VIRMA: variants seen among roughly 807,000 people sequenced by gnomAD.
VIRMA encodes vir like m6A methyltransferase associated.
A neutral mutation model predicts 182.4 loss-of-function variants in VIRMA; 65 were observed. That is an observed-to-expected ratio of 0.36 (90% CI 0.29 to 0.44). VIRMA has a LOEUF of 0.44. Ranked by LOEUF, VIRMA falls within the 20% of genes least tolerant of loss-of-function variation. VIRMA has a pLI of 1.00. For synonymous variants in VIRMA, 709 were observed against 743.1 expected, an observed-to-expected ratio of 0.95 and a Z score of 0.75; for missense variants, 1,752 against 2,158.1, an observed-to-expected ratio of 0.81 and a Z score of 3.73.
rs142919306 is a variant in VIRMA, at chr8:94,492,552, G to A, written c.4808+100C>T. The A allele has an allele frequency of 1.3e-3, 1,316 of 988,850 alleles. 15 individuals carry two copies. The African/African-American group carries it at 0.02, about 15-fold the overall frequency. 61.3% of individuals were successfully genotyped at this position (988,850 alleles called of 1,614,324 possible). On this transcript the variant is annotated intron_variant, in intron 21 of 23. Transcript: ENST00000297591. Reference sequence around the variant, plus strand: ...CTCCCAAAATGCTGGGATTACAGGCGTGAGCCACCGCGCTCGGCCGCATGT... The same window carrying A: ...CTCCCAAAATGCTGGGATTACAGGCATGAGCCACCGCGCTCGGCCGCATGT...
At chr8:94,500,326 G>A (rs1483740491) in intron 16 of VIRMA, among the ~76,000 whole-genome samples, 7 of 152,188 alleles carry the variant, frequency 4.6e-5, no homozygotes, top group African/African-American at 1.7e-4. Flanking sequence ...TTGAACCCAG[G>A]AGACGGAGGT....
At chr8:94,502,775 AT>A (rs1199381115) in intron 16 of VIRMA, among the ~76,000 whole-genome samples, 8 of 152,152 alleles carry the variant, frequency 5.3e-5, no homozygotes, top group Non-Finnish European at 1.2e-4. Context: ...TACTTAAAAA[AT>A]TTTTTTTTAA....
Position 94,490,049 on chromosome 8 carries a change from G to A in VIRMA, c.5174C>T (p.Ser1725Phe). The part of the protein sequence containing the change: ...NYSRREGTRG[S>F]SWSAQNTPRG... ...AGGAGTATTCTGAGCACTCCAACTG[G>A]AGCCTCTTGTTCCTTCCCGACGACT... is the stretch of plus-strand genomic sequence containing the variant. The change falls in exon 23 of 24, where the codon TCC (serine) becomes TTC (phenylalanine). Residue 1725 changes from serine (S) to phenylalanine (F), a missense_variant. By Grantham distance (155) the Ser-to-Phe change is radical (BLOSUM62 -2). Coordinates refer to ENST00000297591, the MANE Select transcript of VIRMA (RefSeq NM_015496.5). 6.2e-7 allele frequency: 1 copy of A among 1,613,858 alleles called. No individual in the cohort carries two copies.
In VIRMA at chr8:94,511,586, G is replaced by C; in HGVS notation, c.2989C>G (p.Leu997Val). Reference sequence around the variant, plus strand: ...ATTGAAATAGTAGTAACTCTGTGAAGGGTAGTCCCCATGTTGACATGGAGC... The same window carrying C: ...ATTGAAATAGTAGTAACTCTGTGAACGGTAGTCCCCATGTTGACATGGAGC... ...WRLHVNMGTT[L>V]HRVTTISMAR... Residue 997 changes from leucine to valine, a missense_variant, in exon 13 of 24, where the codon CTT (leucine) becomes GTT (valine). Around this residue, in one of 11 missense-constraint regions of VIRMA, gnomAD observed 777 missense variants for 920.6 expected, o/e 0.84. Coordinates refer to ENST00000297591, the MANE Select transcript of VIRMA (RefSeq NM_015496.5). 1 of 1,614,114 alleles carries C rather than the reference G, an allele frequency of 6.2e-7. No individual in the cohort carries two copies. The highest frequency in any genetic ancestry group is 1.3e-5 in the African/African-American group (1 of 75,036).
chr8:94,547,486 C>T (rs1371555379), intron 1 of VIRMA, among the ~76,000 whole-genome samples: 1 of 150,768 alleles, frequency 6.6e-6, no homozygotes, highest in Non-Finnish European at 1.5e-5. Context: ...CTCTTTCTAC[C>T]CTCTCCTTTA....
chr8:94,550,799 A>ACCT (rs561781122), intron 1 of VIRMA, among the ~76,000 whole-genome samples: 302 of 151,140 alleles, frequency 2.0e-3, no homozygotes, highest in African/African-American at 7.1e-3. Context: ...GCTCACAGCA[A>ACCT]CCTCCTCCTC....
chr8:94,506,732 G>GA lies in VIRMA; in HGVS notation c.3880-16dup, dbSNP rs113892534. 261,443 of 1,513,140 alleles carry GA rather than the reference G, an allele frequency of 0.17. 21,498 individuals are homozygous for GA. Among genetic ancestry groups the GA allele is most frequent in the Middle Eastern group, 0.3 (1,688 of 5,682 alleles). The allele number at this position is 1,513,140 out of a possible 1,614,324, so 93.7% of individuals were successfully genotyped here. On this transcript the variant is annotated splice_polypyrimidine_tract_variant and intron_variant, in intron 15 of 23. Transcript: ENST00000297591. ...AGTGCAATGTCCTGTGGGGAGCAGG[G>GA]AAAAAAAAATCGATTTTTTAAATAA...
At chr8:94,499,637 T>C (rs1813898764) in intron 16 of VIRMA, 131 bp from the exon 17 acceptor site, 3 of 577,938 alleles carry the variant, frequency 5.2e-6, no homozygotes, top group South Asian at 6.4e-5. Flanking sequence ...AGAAGTACTT[T>C]GGTGTGTCTT....
intron 4 of VIRMA, among the ~76,000 whole-genome samples, chr8:94,536,430 C>T (rs369475442): frequency 2.1e-3 from 322 of 152,244 alleles, no homozygotes; most frequent in African/African-American, 7.1e-3. Flanking sequence ...AGAAAAAAGG[C>T]ATATTTTTGA....
chr8:94,501,349 G>C (rs189082457), intron 16 of VIRMA, among the ~76,000 whole-genome samples: 2 of 150,228 alleles, frequency 1.3e-5, no homozygotes, highest in Non-Finnish European at 3.0e-5. Flanking sequence ...TATTACAAAT[G>C]AACCATATAA....
At chr8:94,495,151 C>T (rs575318534) in intron 19 of VIRMA, among the ~76,000 whole-genome samples, 195 bp from the exon 20 acceptor site, 16 of 152,112 alleles carry the variant, frequency 1.1e-4, no homozygotes, top group Admixed American at 4.6e-4. Flanking sequence ...CAGGTGTGTA[C>T]CACCACACCC....
At chr8:94,518,412 A>G (rs768163127) in intron 9 of VIRMA, among the ~76,000 whole-genome samples, 30 of 152,280 alleles carry the variant, frequency 2.0e-4, no homozygotes, top group Non-Finnish European at 3.1e-4. Context: ...CCCACAAAAG[A>G]TCTGTCACTC....
chr8:94,521,338 G>T (rs1167477049), intron 8 of VIRMA, among the ~76,000 whole-genome samples: 1 of 152,064 alleles, frequency 6.6e-6, no homozygotes, highest in Non-Finnish European at 1.5e-5. Context: ...AGTTTGCTGA[G>T]GATAATGGCT....
chr8:94,526,883 C>T lies in VIRMA; in HGVS notation c.1361G>A (p.Arg454Gln). The T allele has an allele frequency of 6.2e-7, 1 of 1,614,158 alleles. No homozygotes were observed. The highest frequency in any genetic ancestry group is 1.3e-5 in the African/African-American group (1 of 75,052). Residue 454 changes from arginine to glutamine, a missense_variant, in exon 8 of 24, where the codon CGA (arginine) becomes CAA (glutamine). Arg to Gln is a conservative substitution (Grantham distance 43). Around this residue, in one of 11 missense-constraint regions of VIRMA, gnomAD observed 401 missense variants for 455.1 expected, o/e 0.88. Coordinates refer to ENST00000297591, the MANE Select transcript of VIRMA (RefSeq NM_015496.5). ...TAATTTGGTCCCAGCTTTGAGCTGT[C>T]GAACATTTAAGGCGATAGGTTGGCG... The part of the protein sequence containing the change: ...ALRQPIALNV[R>Q]QLKAGTKLVS...
chr8:94,515,057 A>C (rs1814513530), intron 10 of VIRMA, 106 bp from the exon 11 acceptor site: 1 of 561,054 alleles, frequency 1.8e-6, no homozygotes, highest in Non-Finnish European at 3.1e-6. Context: ...TGTTGATTTC[A>C]ATCATCTAAA....
chr8:94,538,630 CAG>C (rs1168273587), intron 2 of VIRMA, among the ~76,000 whole-genome samples: 1 of 151,916 alleles, frequency 6.6e-6, no homozygotes, highest in East Asian at 1.9e-4. Context: ...GACGGTGTTA[CAG>C]AGTTTCGCTC....
chr8:94,536,524 G>A (rs1441288539), intron 4 of VIRMA, among the ~76,000 whole-genome samples: 4 of 152,176 alleles, frequency 2.6e-5, no homozygotes, highest in African/African-American at 7.2e-5. Context: ...CCTGCCTGTC[G>A]TCTTCTGAAC....
chr8:94,508,424 T>C (rs1814243587), intron 15 of VIRMA, among the ~76,000 whole-genome samples: 1 of 152,110 alleles, frequency 6.6e-6, no homozygotes, highest in Admixed American at 6.6e-5. Flanking sequence ...TTCATTATGT[T>C]TTATCATCTT....
intron 4 of VIRMA, among the ~76,000 whole-genome samples, chr8:94,536,208 T>C (rs1479142940): frequency 1.3e-5 from 2 of 152,176 alleles, no homozygotes; most frequent in Admixed American, 6.5e-5. Flanking sequence ...GTTCAAAGAC[T>C]GGCCAAGGAT....
Sources: allele counts gnomAD v4.1 joint callset (sites outside exome capture counted in the v4.1 genomes callset), GRCh38; gene constraint gnomAD v4.1.1; regional missense constraint gnomAD v4.1.1; transcripts MANE v1.5; gene names NCBI Gene and HGNC (gene_info 2026-07-23, HGNC 2026-07-21).